PCDHGB1: variants seen among roughly 807,000 people sequenced by gnomAD.
PCDHGB1 encodes protocadherin gamma-B1.
In PCDHGB1, 34 loss-of-function variants were observed where a neutral mutation model predicts 56.6. That is an observed-to-expected ratio of 0.60 (90% CI 0.46 to 0.80). PCDHGB1 has a LOEUF of 0.80. Among genes scored for constraint, PCDHGB1 ranks in the 30% least tolerant of loss-of-function variants. The pLI is 0.00. For missense variants in PCDHGB1, 1,278 were observed against 1,204.6 expected, an observed-to-expected ratio of 1.06 and a Z score of -0.90; for synonymous variants, 561 against 505.9, an observed-to-expected ratio of 1.11 and a Z score of -1.46.
At chr5:141,484,499 A>G (rs567556335) in intron 1 of PCDHGB1, among the ~76,000 whole-genome samples, 20 of 152,344 alleles carry the variant, frequency 1.3e-4, no homozygotes, top group African/African-American at 4.6e-4. Flanking sequence ...CCGTTTCTGA[A>G]TATTCTGCAG....
chr5:141,478,532 G>T, intron 1 of PCDHGB1: 1 of 1,607,858 alleles, frequency 6.2e-7, no homozygotes, highest in East Asian at 2.2e-5. Flanking sequence ...TGCAGAGAGC[G>T]CCCCTCCCGG....
At chr5:141,414,926 G>T (rs2095802657) in intron 1 of PCDHGB1, 3 of 1,614,114 alleles carry the variant, frequency 1.9e-6, no homozygotes, top group Admixed American at 1.7e-5. Flanking sequence ...CTGGCGCCCC[G>T]CTCCGCAGAG....
chr5:141,408,789 T>C, intron 1 of PCDHGB1: 1 of 1,612,724 alleles, frequency 6.2e-7, no homozygotes, highest in Non-Finnish European at 8.5e-7. Context: ...GAGTTATCTC[T>C]GGAGAAACTC....
In PCDHGB1 at chr5:141,491,667, G is replaced by C. The variant is rs746903142; in HGVS notation, c.2410-3140G>C. The C allele has an allele frequency of 3.7e-6, 6 of 1,613,678 alleles. No individual in the cohort carries two copies. The South Asian group carries it at 6.6e-5, about 18-fold the overall frequency. On this transcript the variant is annotated intron_variant, in intron 1 of 3. Transcript: ENST00000523390. This position sits in a 1 kb window ranked among gnomAD's most constrained non-coding sequence, Gnocchi z 6.9. Reference sequence around the variant, plus strand: ...TGGCGCTGGAGCCTGACGCCATCCGGTCCCGCTCTAATACGCTGCGGGAGC... The same window carrying C: ...TGGCGCTGGAGCCTGACGCCATCCGCTCCCGCTCTAATACGCTGCGGGAGC...
chr5:141,409,736 G>C (rs1053484390), intron 1 of PCDHGB1: 9 of 1,612,992 alleles, frequency 5.6e-6, no homozygotes, highest in South Asian at 2.2e-5. Context: ...CGCGCAGAGC[G>C]GGGTGGTGTT....
intron 1 of PCDHGB1, chr5:141,383,556 C>G: frequency 6.2e-7 from 1 of 1,612,766 alleles, no homozygotes; most frequent in Non-Finnish European, 8.5e-7. Flanking sequence ...ATGGCGGCGA[C>G]CCGCCCCGAT....
chr5:141,421,069 A>T, intron 1 of PCDHGB1: 1 of 598,532 alleles, frequency 1.7e-6, no homozygotes, highest in Non-Finnish European at 2.8e-6. Context: ...AAGCGGAATG[A>T]GATGGATACT....
Position 141,352,659 on chromosome 5 carries a change from T to C in PCDHGB1, c.2399T>C (p.Leu800Ser), listed in dbSNP as rs375202989. The change falls in exon 1 of 4, where the codon TTG becomes TCG. Residue 800 changes from leucine to serine, a missense_variant. By Grantham distance (145) the Leu-to-Ser change is moderately radical. Coordinates refer to ENST00000523390, the MANE Select transcript of PCDHGB1 (RefSeq NM_018922.3). ...EDHKIAYDPS[L>S]SSHQAPPNTD... ...CACAAAATCGCTTATGACCCTTCTT[T>C]GTCTTCGCACGTGAGTTTCTGCAAA... 269 of 1,595,024 alleles carry C rather than the reference T, an allele frequency of 1.7e-4. No homozygotes were observed. Among genetic ancestry groups the C allele is most frequent in the South Asian group, 2.2e-4 (20 of 89,114 alleles).
chr5:141,361,660 G>C (rs768286784), intron 1 of PCDHGB1: 22 of 1,613,628 alleles, frequency 1.4e-5, no homozygotes, highest in South Asian at 3.3e-5. Flanking sequence ...GTCCGTGAGC[G>C]CGCAGAGCGG....
At chr5:141,484,912 T>G (rs1594427765) in intron 1 of PCDHGB1, 1 of 437,066 alleles carries the variant, frequency 2.3e-6, no homozygotes, top group East Asian at 4.0e-5. Flanking sequence ...TGCGACGCAT[T>G]AACCCTGCTG....
intron 1 of PCDHGB1, chr5:141,421,478 G>C: frequency 6.2e-7 from 1 of 1,614,130 alleles, no homozygotes. Context: ...CGAAGCGGCA[G>C]CTTGATCACG....
rs763397899 is a variant in PCDHGB1 at position 141,351,686 on chromosome 5, G to T, written c.1426G>T (p.Asp476Tyr). The change falls in exon 1 of 4, where the codon GAT becomes TAT. Residue 476 changes from aspartate to tyrosine, a missense_variant. Transcript: ENST00000523390. ...SIAQVSASDPDLGPNGRVSYS... is the reference protein window; with the variant it reads ...SIAQVSASDPYLGPNGRVSYS... ...TGCACAAGTAAGCGCCTCCGACCCG[G>T]ATTTGGGACCCAACGGCAGAGTCTC... The T allele has an allele frequency of 6.2e-7, 1 of 1,613,970 alleles. No homozygotes were observed. The highest frequency in any genetic ancestry group is 1.3e-5 in the African/African-American group (1 of 75,068).
rs375915850 is a variant in PCDHGB1, at chr5:141,397,975, G to A, written c.2409+45306G>A. The A allele has an allele frequency of 2.3e-4, 272 of 1,189,006 alleles. 1 individual carries two copies. Among genetic ancestry groups the A allele is most frequent in the African/African-American group, 9.9e-4 (64 of 64,918 alleles). 73.7% of individuals were successfully genotyped at this position (1,189,006 alleles called of 1,614,324 possible). ...GCCCCAGCTCAGACTCCCCAGCGCC[G>A]GCCTTTACACCGCTTCCTCCTCGGA... On this transcript the variant is annotated intron_variant, in intron 1 of 3. Transcript: ENST00000523390.
chr5:141,500,400 G>A (rs2099799942), intron 2 of PCDHGB1, among the ~76,000 whole-genome samples: 1 of 151,666 alleles, frequency 6.6e-6, no homozygotes, highest in East Asian at 1.9e-4. Context: ...TAGTAGAGAC[G>A]GGGTTTCACC....
At chr5:141,465,905 G>C (rs938438286) in intron 1 of PCDHGB1, among the ~76,000 whole-genome samples, 8 of 151,958 alleles carry the variant, frequency 5.3e-5, no homozygotes, top group Non-Finnish European at 8.8e-5. Context: ...GGCAAATCAC[G>C]AGGTCAGGAT....
intron 1 of PCDHGB1, chr5:141,382,806 C>G: frequency 9.1e-7 from 1 of 1,097,502 alleles, no homozygotes; most frequent in South Asian, 1.6e-5. Context: ...GGATTCTGAG[C>G]TCCCCTTCCT....
intron 1 of PCDHGB1, chr5:141,405,312 A>G: frequency 1.2e-6 from 2 of 1,614,208 alleles, no homozygotes; most frequent in Non-Finnish European, 8.5e-7. Context: ...AGCTGTGAGA[A>G]AAATGAGCCT....
At position 141,491,257 on chromosome 5, in the gene PCDHGB1, G is replaced by GAAAT. The variant is rs1562145331; in HGVS notation, c.2410-3549_2410-3546dup. On this transcript the variant is annotated intron_variant, in intron 1 of 3. Transcript: ENST00000523390. The surrounding 1 kb of genome is among the most constrained non-coding windows in gnomAD (Gnocchi z 6.9). ...GGTTCTGGAGGATGAGGACCCTGAG[G>GAAAT]AAATGCCCAAATCCAGTGACTTCCT... is the stretch of plus-strand genomic sequence containing the variant. 6.2e-7 allele frequency: 1 copy of GAAAT among 1,614,170 alleles called. No individual in the cohort carries two copies. Among genetic ancestry groups the GAAAT allele is most frequent in the East Asian group, 2.2e-5 (1 of 44,884 alleles).
At chr5:141,427,693 C>G in intron 1 of PCDHGB1, 1 of 909,726 alleles carries the variant, frequency 1.1e-6, no homozygotes, top group Non-Finnish European at 1.8e-6. Flanking sequence ...GCCTCCATCC[C>G]ACAAGTCAGC....
Sources: allele counts gnomAD v4.1 joint callset (sites outside exome capture counted in the v4.1 genomes callset), GRCh38; gene constraint gnomAD v4.1.1; non-coding constraint Gnocchi (gnomAD v3.1); transcripts MANE v1.5; gene names NCBI Gene and HGNC (gene_info 2026-07-23, HGNC 2026-07-21).